The following BLTP3B variants were observed in gnomAD, a reference collection of about 807,000 sequenced individuals.
The protein encoded by BLTP3B is bridge-like lipid transfer protein family member 3B.
the BLTP3B span, among the ~76,000 whole-genome samples, chr12:100,038,661 C>T: frequency 1.3e-5 from 2 of 152,180 alleles, no homozygotes; most frequent in South Asian, 2.1e-4. Flanking sequence ...ATGGCCAATA[C>T]GTCTCCTCCA....
the BLTP3B span, chr12:100,037,775 G>A: frequency 1.3e-6 from 2 of 1,570,598 alleles, no homozygotes; most frequent in Non-Finnish European, 1.7e-6. Flanking sequence ...TAAATGGCGG[G>A]GGGATAAGAT....
chr12:100,090,992 A>C, the BLTP3B span, among the ~76,000 whole-genome samples: 1 of 151,850 alleles, frequency 6.6e-6, no homozygotes, highest in African/African-American at 2.4e-5. Flanking sequence ...GAAGAAAAAA[A>C]ATGGGCCACT....
the BLTP3B span, among the ~76,000 whole-genome samples, chr12:100,089,253 CTAAGAA>C: frequency 1.3e-5 from 2 of 152,010 alleles, no homozygotes; most frequent in Non-Finnish European, 2.9e-5. Flanking sequence ...TCTGAATTAC[CTAAGAA>C]TAAAACTAAA....
chr12:100,078,003 C>A, the BLTP3B span, among the ~76,000 whole-genome samples: 2 of 152,130 alleles, frequency 1.3e-5, no homozygotes, highest in African/African-American at 4.8e-5. Flanking sequence ...CTCCCTCTGA[C>A]CCTGCTCCTG....
the BLTP3B span, among the ~76,000 whole-genome samples, chr12:100,107,565 G>C: frequency 6.6e-6 from 1 of 151,610 alleles, no homozygotes; most frequent in Non-Finnish European, 1.5e-5. Flanking sequence ...AACCCGGGAG[G>C]CAGAGGTTGC....
At chr12:100,055,677 CAA>C in the BLTP3B span, among the ~76,000 whole-genome samples, 80 of 83,334 alleles carry the variant, frequency 9.6e-4, 1 homozygote, top group African/African-American at 2.1e-3. Context: ...AACTACATCT[CAA>C]AAAAAAAAAA....
the BLTP3B span, among the ~76,000 whole-genome samples, chr12:100,043,383 A>G: frequency 6.6e-6 from 1 of 152,228 alleles, no homozygotes; most frequent in Admixed American, 6.5e-5. Flanking sequence ...CTTGCCAAAG[A>G]TCAATGAATG....
the BLTP3B span, chr12:100,037,399 A>G: frequency 8.2e-7 from 1 of 1,221,534 alleles, no homozygotes; most frequent in Non-Finnish European, 1.0e-6. Context: ...TGACTTCCCT[A>G]GATCACAACA....
At chr12:100,101,242 G>C in the BLTP3B span, among the ~76,000 whole-genome samples, 2 of 152,136 alleles carry the variant, frequency 1.3e-5, no homozygotes, top group Non-Finnish European at 2.9e-5. Flanking sequence ...CTGCACATCT[G>C]ATAAACCTGG....
the BLTP3B span, among the ~76,000 whole-genome samples, chr12:100,073,129 T>C: frequency 6.6e-6 from 1 of 152,096 alleles, no homozygotes; most frequent in African/African-American, 2.4e-5. Context: ...ATAATATAGA[T>C]AAGTAAATGG....
chr12:100,041,758 A>C, the BLTP3B span, among the ~76,000 whole-genome samples: 1 of 152,054 alleles, frequency 6.6e-6, no homozygotes, highest in African/African-American at 2.4e-5. Context: ...TCTATTCAAC[A>C]TTGTTTTAGA....
the BLTP3B span, chr12:100,108,561 A>G: frequency 6.3e-7 from 1 of 1,593,076 alleles, no homozygotes; most frequent in African/African-American, 1.4e-5. Flanking sequence ...GAAAGAGAAT[A>G]CACATTGACA....
the BLTP3B span, among the ~76,000 whole-genome samples, chr12:100,068,335 A>G: frequency 1.9e-4 from 29 of 152,348 alleles, no homozygotes; most frequent in East Asian, 5.4e-3. Flanking sequence ...CTCACTTTAC[A>G]CAAAAATCAA....
the BLTP3B span, chr12:100,060,158 G>T: frequency 2.4e-6 from 2 of 842,218 alleles, no homozygotes; most frequent in Non-Finnish European, 3.4e-6. Context: ...AAACAAATTT[G>T]AGGTATTATT....
At chr12:100,054,879 C>CT in the BLTP3B span, among the ~76,000 whole-genome samples, 1 of 152,200 alleles carries the variant, frequency 6.6e-6, no homozygotes, top group East Asian at 1.9e-4. Context: ...TACCTTATTT[C>CT]TTTAAGCTTT....
chr12:100,048,771 AGTGT>A, the BLTP3B span, among the ~76,000 whole-genome samples: 19,748 of 114,598 alleles, frequency 0.17, 1,809 homozygotes, highest in East Asian at 0.5. Flanking sequence ...AGTGAGAGTG[AGTGT>A]GTGTGTGTGT....
At chr12:100,125,962 T>G in the BLTP3B span, among the ~76,000 whole-genome samples, 2 of 152,152 alleles carry the variant, frequency 1.3e-5, no homozygotes, top group African/African-American at 4.8e-5. Context: ...TGATGATCAA[T>G]TCTCTTAACA....
At chr12:100,087,734 A>G in the BLTP3B span, among the ~76,000 whole-genome samples, 4 of 152,226 alleles carry the variant, frequency 2.6e-5, no homozygotes, top group African/African-American at 9.6e-5. Context: ...TTAAGGAGAT[A>G]TTTTGGTGAA....
chr12:100,054,938 T>C, the BLTP3B span, among the ~76,000 whole-genome samples: 1 of 152,200 alleles, frequency 6.6e-6, no homozygotes, highest in Non-Finnish European at 1.5e-5. Context: ...CCACCTCATA[T>C]GATGGTCTTA....
Sources: gnomAD v4.1 joint callset for allele counts (sites outside exome capture counted in the v4.1 genomes callset) on GRCh38, gnomAD v4.1.1 for gene constraint, MANE v1.5 for transcripts, NCBI Gene and HGNC (gene_info 2026-07-23, HGNC 2026-07-21) for gene names.